The following LRP8 variants were observed in gnomAD, a reference collection of about 807,000 sequenced individuals.
The protein encoded by LRP8 is low-density lipoprotein receptor-related protein 8.
Under a neutral mutation model 111.6 loss-of-function variants are expected in LRP8, and 46 were observed. The ratio of observed to expected loss-of-function variants is 0.41; its 90% confidence interval spans 0.33 to 0.53. The LOEUF (loss-of-function observed/expected upper bound fraction) is 0.53, where lower values mean the gene tolerates loss of function less well. Among genes scored for constraint, LRP8 ranks in the 20% least tolerant of loss-of-function variants. The pLI, the probability that LRP8 is intolerant of heterozygous loss-of-function variation, is 0.20. For synonymous variants in LRP8, 464 were observed against 511.2 expected, an observed-to-expected ratio of 0.91 and a Z score of 1.24; for missense variants, 959 against 1,297.4, an observed-to-expected ratio of 0.74 and a Z score of 4.01.
chr1:53,286,261 C>T (rs1270386986), intron 3 of LRP8, among the ~76,000 whole-genome samples: 2 of 152,192 alleles, frequency 1.3e-5, no homozygotes, highest in African/African-American at 4.8e-5. Context: ...CACCAAGTTC[C>T]TTCAGTCAAG....
At chr1:53,305,303 G>A (rs1651729827) in intron 2 of LRP8, 1 of 152,200 alleles carries the variant, frequency 6.6e-6, no homozygotes, top group Admixed American at 6.5e-5. Flanking sequence ...GCAGTTGGTT[G>A]CTAGATCACG....
rs1057158035 is a variant in LRP8, at chr1:53,250,502, A to G, written c.2676+188T>C. Among the ~76,000 whole-genome samples the G allele has an allele frequency of 2.0e-5, 3 of 151,188 alleles. No individual in the cohort carries two copies. The highest frequency in any genetic ancestry group is 4.4e-5 in the Non-Finnish European group (3 of 67,830). On this transcript the variant is annotated intron_variant, in intron 17 of 18. Coordinates refer to ENST00000306052, the MANE Select transcript of LRP8 (RefSeq NM_004631.5). The surrounding 1 kb of genome is among the most constrained non-coding windows in gnomAD (Gnocchi z 4.6). ...AGAAGGAGGAAGGGAAGGAGGGAGG[A>G]AAGGAAGGAAAGAAGGAAAGAAAAA...
chr1:53,320,858 C>T (rs148457785), intron 2 of LRP8, among the ~76,000 whole-genome samples: 1 of 152,328 alleles, frequency 6.6e-6, no homozygotes, highest in African/African-American at 2.4e-5. Context: ...AGACAGCGCT[C>T]AGCGGGGAAC....
intron 14 of LRP8, among the ~76,000 whole-genome samples, chr1:53,257,827 A>G (rs1646159530): frequency 6.6e-6 from 1 of 152,232 alleles, no homozygotes; most frequent in South Asian, 2.1e-4. Flanking sequence ...TAAATCATTA[A>G]TAATGCAGTA....
intron 1 of LRP8, chr1:53,327,237 C>T (rs1168593563): frequency 3.7e-6 from 2 of 542,268 alleles, no homozygotes; most frequent in African/African-American, 3.8e-5. Flanking sequence ...CTGGGTATAC[C>T]CTCCATTCAG....
rs1309004973 is a variant in LRP8 at position 53,262,085 on chromosome 1, CA to C, written c.1896del (p.Phe632LeufsTer3). The C allele has an allele frequency of 1.2e-6, 2 of 1,614,202 alleles. No individual in the cohort carries two copies. The highest frequency in any genetic ancestry group is 1.1e-5 in the South Asian group (1 of 91,082). On this transcript the variant is annotated frameshift_variant, in exon 12 of 19. Coordinates refer to ENST00000306052, the MANE Select transcript of LRP8 (RefSeq NM_004631.5). LOFTEE classifies it high-confidence loss of function. This position sits in a 1 kb window ranked among gnomAD's most constrained non-coding sequence, Gnocchi z 4.8. ...GGACTCACCTCAAACACAGCTATCC[CA>C]AAAGGGTGGCTCAGGAAGTCAGTGG... ...ISSTDFLSHP[F>X]GIAVFEDKVF...
intron 18 of LRP8, among the ~76,000 whole-genome samples, chr1:53,248,012 A>T (rs147896674): frequency 1.7e-4 from 26 of 152,300 alleles, no homozygotes; most frequent in Non-Finnish European, 3.1e-4. Context: ...TCTGAGACTT[A>T]GTTTTATCAT....
At chr1:53,298,356 GGAGGTGGGTATGGGGGA>G in intron 2 of LRP8, among the ~76,000 whole-genome samples, 1 of 152,242 alleles carries the variant, frequency 6.6e-6, no homozygotes, top group South Asian at 2.1e-4. Context: ...GGGGCTGGGA[GGAGGTGGGTATGGGGGA>G]GAGGTGGGCA....
intron 2 of LRP8, among the ~76,000 whole-genome samples, chr1:53,316,534 CT>C (rs551075200): frequency 1.3e-3 from 196 of 152,330 alleles, no homozygotes; most frequent in African/African-American, 4.4e-3. Flanking sequence ...TTCACAGCCC[CT>C]GCCCCCATGC....
chr1:53,298,499 C>T (rs542271948), intron 2 of LRP8, among the ~76,000 whole-genome samples: 130 of 152,314 alleles, frequency 8.5e-4, no homozygotes, highest in African/African-American at 3.1e-3. Flanking sequence ...CTGCCCTCTC[C>T]CAGGCTCCAG....
At chr1:53,282,265 A>G (rs1647138467) in intron 3 of LRP8, among the ~76,000 whole-genome samples, 1 of 152,178 alleles carries the variant, frequency 6.6e-6, no homozygotes, top group Non-Finnish European at 1.5e-5. Flanking sequence ...ATCCCTAGGA[A>G]TGCATTTCAT....
chr1:53,267,645 T>C (rs1403056164), intron 8 of LRP8: 1 of 152,252 alleles, frequency 6.6e-6, no homozygotes, highest in Non-Finnish European at 1.5e-5. Flanking sequence ...AGATTATATA[T>C]ATGCAGTAGA....
chr1:53,264,459 C>G lies in LRP8; in HGVS notation c.1428-63G>C, dbSNP rs986680437. ...CCACCCATGGGCCCATCTGGAGCTA[C>G]CTGTGCACCCTTCCCCTCTCTTCCA... On this transcript the variant is annotated intron_variant, in intron 9 of 18. Coordinates refer to ENST00000306052, the MANE Select transcript of LRP8 (RefSeq NM_004631.5). The G allele has an allele frequency of 3.9e-6, 5 of 1,288,552 alleles. No individual in the cohort carries two copies. The African/African-American group carries it at 7.3e-5, about 19-fold the overall frequency. 79.8% of individuals were successfully genotyped at this position (1,288,552 alleles called of 1,614,324 possible). A position where few individuals can be genotyped will look rare whatever the true frequency, so the allele number is the denominator to read the frequency against.
In LRP8 at chr1:53,262,136, C is replaced by T. The variant is rs1646362235; in HGVS notation, c.1846G>A (p.Gly616Ser). Residue 616 changes from glycine (G) to serine (S), a missense_variant, in exon 12 of 19, where the codon GGC becomes AGC. Transcript: ENST00000306052. This position sits in a 1 kb window ranked among gnomAD's most constrained non-coding sequence, Gnocchi z 4.8. ...HQLSSIDFSG[G>S]NRKTLISSTD... ...GAGGAGATCAGCGTCTTTCTGTTGC[C>T]TCCACTGAAGTCAATGCTGGACAGT... 1.9e-6 allele frequency: 3 copies of T among 1,614,034 alleles called. No individual in the cohort carries two copies. The highest frequency in any genetic ancestry group is 1.3e-5 in the African/African-American group (1 of 74,928).
At chr1:53,255,014 A>T in intron 16 of LRP8, 103 bp downstream of exon 16, 1 of 1,250,066 alleles carries the variant, frequency 8.0e-7, no homozygotes, top group Non-Finnish European at 1.2e-6. Context: ...GCAAGGGCAG[A>T]ACAAGTCAAT....
At chr1:53,288,849 C>T (rs1356251246) in intron 3 of LRP8, among the ~76,000 whole-genome samples, 3 of 152,198 alleles carry the variant, frequency 2.0e-5, no homozygotes, top group African/African-American at 7.2e-5. Flanking sequence ...CACAGAATGA[C>T]CTGCCGGGTG....
intron 2 of LRP8, among the ~76,000 whole-genome samples, chr1:53,318,460 A>G: frequency 6.6e-6 from 1 of 152,082 alleles, no homozygotes. Flanking sequence ...GTGAGATGGG[A>G]AAGATTCTCC....
intron 2 of LRP8, among the ~76,000 whole-genome samples, chr1:53,318,973 C>G (rs1460982050): frequency 6.6e-6 from 1 of 152,132 alleles, no homozygotes; most frequent in Non-Finnish European, 1.5e-5. Flanking sequence ...CTATGTTTTT[C>G]ATTACAAGTG....
chr1:53,285,951 C>T (rs1038601311), intron 3 of LRP8, among the ~76,000 whole-genome samples: 2 of 152,222 alleles, frequency 1.3e-5, no homozygotes, highest in Non-Finnish European at 2.9e-5. Context: ...CATTTAAAGG[C>T]ATTTAAATTC....
Sources: gnomAD v4.1 joint callset for allele counts (sites outside exome capture counted in the v4.1 genomes callset) on GRCh38, gnomAD v4.1.1 for gene constraint, Gnocchi (gnomAD v3.1) non-coding constraint, MANE v1.5 for transcripts, NCBI Gene and HGNC (gene_info 2026-07-23, HGNC 2026-07-21) for gene names.